The following CHRM3 variants were observed in gnomAD, a reference collection of about 807,000 sequenced individuals.
CHRM3 encodes muscarinic acetylcholine receptor M3.
CHRM3 carries 11 observed loss-of-function variants against 41.8 expected under a neutral mutation model. The ratio of observed to expected loss-of-function variants is 0.26; its 90% CI spans 0.17 to 0.44. CHRM3 has a LOEUF of 0.44. CHRM3 is among the 20% of genes least tolerant of loss of function. The pLI is 1.00. For synonymous variants in CHRM3, 297 were observed against 301.4 expected (o/e 0.99, Z 0.15); for missense variants, 571 against 745.4 (o/e 0.77, Z 2.72).
chr1:239,734,759 T>G (rs188736310), intron 5 of CHRM3, among the ~76,000 whole-genome samples: 1 of 152,212 alleles, frequency 6.6e-6, no homozygotes, highest in Non-Finnish European at 1.5e-5. Context: ...CATATACTGA[T>G]GAGTATGCAG....
At chr1:239,516,249 A>G (rs1402421577) in intron 2 of CHRM3, among the ~76,000 whole-genome samples, 1 of 152,194 alleles carries the variant, frequency 6.6e-6, no homozygotes, top group African/African-American at 2.4e-5. Flanking sequence ...ATGCAAACAC[A>G]TTAAATAAAG....
At chr1:239,423,459 G>C (rs997080909) in intron 1 of CHRM3, among the ~76,000 whole-genome samples, 1 of 152,202 alleles carries the variant, frequency 6.6e-6, no homozygotes, top group Non-Finnish European at 1.5e-5. Context: ...GCACTATGGA[G>C]GAGGATGGAG....
chr1:239,701,015 G>T (rs1286011424), intron 5 of CHRM3, among the ~76,000 whole-genome samples: 3 of 152,164 alleles, frequency 2.0e-5, no homozygotes, highest in African/African-American at 7.2e-5. Flanking sequence ...TAAAACCTGT[G>T]TGACGCTTTT....
At chr1:239,765,317 G>A (rs1477607595) in intron 5 of CHRM3, among the ~76,000 whole-genome samples, 1 of 152,148 alleles carries the variant, frequency 6.6e-6, no homozygotes, top group East Asian at 1.9e-4. Context: ...AAACGCTGGG[G>A]TCCTTGGCCA....
At chr1:239,896,270 C>T (rs931666295) in intron 6 of CHRM3, among the ~76,000 whole-genome samples, 2 of 152,194 alleles carry the variant, frequency 1.3e-5, no homozygotes, top group Non-Finnish European at 2.9e-5. Context: ...TCAAGACTCA[C>T]AAAATGTCCT....
At chr1:239,413,451 G>A (rs12124516) in intron 1 of CHRM3, among the ~76,000 whole-genome samples, 37,240 of 151,866 alleles carry the variant, frequency 0.25, 4,833 homozygotes, top group African/African-American at 0.32. Flanking sequence ...CATTCCACCC[G>A]GCTAATTTTG....
At chr1:239,446,007 G>A (rs903979919) in intron 1 of CHRM3, among the ~76,000 whole-genome samples, 3 of 151,532 alleles carry the variant, frequency 2.0e-5, no homozygotes, top group East Asian at 1.9e-4. Context: ...ACGCAATCTC[G>A]GCTCACTGCA....
At chr1:239,728,799 G>T (rs565291542) in intron 5 of CHRM3, among the ~76,000 whole-genome samples, 10 of 151,708 alleles carry the variant, frequency 6.6e-5, no homozygotes, top group Non-Finnish European at 1.5e-5. Flanking sequence ...TCACATATAC[G>T]CCCTTTGAAT....
intron 2 of CHRM3, among the ~76,000 whole-genome samples, chr1:239,537,698 T>C (rs1658338548): frequency 6.6e-6 from 1 of 152,206 alleles, no homozygotes; most frequent in African/African-American, 2.4e-5. Context: ...ATACAGAATT[T>C]TGCTCTTATG....
At chr1:239,412,650 C>T (rs1661190452) in intron 1 of CHRM3, among the ~76,000 whole-genome samples, 2 of 151,822 alleles carry the variant, frequency 1.3e-5, no homozygotes, top group African/African-American at 4.8e-5. Context: ...GCAGTATATC[C>T]TGCTTTTTTT....
chr1:239,838,730 A>C (rs1394377657), intron 6 of CHRM3, among the ~76,000 whole-genome samples: 1 of 152,150 alleles, frequency 6.6e-6, no homozygotes, highest in Non-Finnish European at 1.5e-5. Context: ...GGTCCTCCGC[A>C]CATAGTTCTC....
intron 3 of CHRM3, among the ~76,000 whole-genome samples, chr1:239,554,000 G>A (rs1021717615): frequency 5.3e-5 from 8 of 151,952 alleles, no homozygotes; most frequent in Non-Finnish European, 8.8e-5. Context: ...GTGAACTCTC[G>A]TTCCTCAGCC....
intron 3 of CHRM3, among the ~76,000 whole-genome samples, chr1:239,593,907 C>T (rs1478642944): frequency 1.3e-5 from 2 of 152,156 alleles, no homozygotes; most frequent in African/African-American, 2.4e-5. Flanking sequence ...TCATCATTTA[C>T]TGTGCTATAT....
intron 6 of CHRM3, among the ~76,000 whole-genome samples, chr1:239,864,397 C>T (rs914010106): frequency 2.6e-5 from 4 of 152,012 alleles, no homozygotes; most frequent in African/African-American, 9.7e-5. Flanking sequence ...ATCCAAGCTA[C>T]TAGGGAGGCT....
chr1:239,890,377 G>A (rs1446421648), intron 6 of CHRM3, among the ~76,000 whole-genome samples: 2 of 151,760 alleles, frequency 1.3e-5, no homozygotes, highest in East Asian at 3.9e-4. Context: ...TGGAGAGTGT[G>A]TTTTAGTTTT....
intron 5 of CHRM3, among the ~76,000 whole-genome samples, chr1:239,685,060 C>G (rs981852119): frequency 6.6e-6 from 1 of 152,198 alleles, no homozygotes; most frequent in African/African-American, 2.4e-5. Flanking sequence ...CTGGAATTCC[C>G]TGTTCTTTAA....
At chr1:239,879,724 C>G (rs965363305) in intron 6 of CHRM3, among the ~76,000 whole-genome samples, 4 of 152,186 alleles carry the variant, frequency 2.6e-5, no homozygotes, top group African/African-American at 9.6e-5. Flanking sequence ...CTTGTCTCTC[C>G]AGTCCCCTTA....
chr1:239,823,614 A>T (rs895827537), intron 5 of CHRM3, among the ~76,000 whole-genome samples: 10 of 152,080 alleles, frequency 6.6e-5, no homozygotes, highest in African/African-American at 2.4e-4. Flanking sequence ...TAATTTAATC[A>T]CTTATTAATG....
chr1:239,822,382 C>A (rs1163458998), intron 5 of CHRM3, among the ~76,000 whole-genome samples: 1 of 152,150 alleles, frequency 6.6e-6, no homozygotes, highest in Admixed American at 6.5e-5. Context: ...CCGAGTACTA[C>A]AAATTGCAAG....
Sources: gnomAD v4.1 joint callset for allele counts (sites outside exome capture counted in the v4.1 genomes callset) on GRCh38, gnomAD v4.1.1 for gene constraint, MANE v1.5 for transcripts, NCBI Gene and HGNC (gene_info 2026-07-23, HGNC 2026-07-21) for gene names.